The following RSPRY1 variants were observed in gnomAD, a reference collection of about 807,000 sequenced individuals.
RSPRY1 encodes ring finger and SPRY domain containing 1.
RSPRY1 carries 23 observed loss-of-function variants against 73.1 expected under a neutral mutation model. The ratio of observed to expected loss-of-function variants is 0.31; its 90% confidence interval spans 0.23 to 0.45. The LOEUF (loss-of-function observed/expected upper bound fraction) is 0.45. Among genes scored for constraint, RSPRY1 ranks in the 20% least tolerant of loss-of-function variants. The pLI, the probability that RSPRY1 is intolerant of heterozygous loss-of-function variation, is 1.00. For synonymous variants in RSPRY1, 226 were observed against 251.4 expected (o/e 0.90, Z 0.95); for missense variants, 448 against 698.7 (o/e 0.64, Z 4.05).
At chr16:57,211,991 T>C (rs992804152) in intron 4 of RSPRY1, among the ~76,000 whole-genome samples, 4 of 152,208 alleles carry the variant, frequency 2.6e-5, no homozygotes, top group Non-Finnish European at 4.4e-5. Context: ...CCTAGGCTTA[T>C]AAGAGCTGCC....
chr16:57,202,878 TTATA>T (rs55701001), intron 1 of RSPRY1, among the ~76,000 whole-genome samples: 10,138 of 131,536 alleles, frequency 0.077, 500 homozygotes, highest in Middle Eastern at 0.13. Context: ...TTACATATGA[TTATA>T]TATATATATA....
intron 1 of RSPRY1, among the ~76,000 whole-genome samples, chr16:57,188,890 A>G (rs1274662275): frequency 1.3e-5 from 2 of 152,042 alleles, no homozygotes; most frequent in South Asian, 4.1e-4. Flanking sequence ...TTTAAAAACT[A>G]TAACTGGTGA....
intron 1 of RSPRY1, among the ~76,000 whole-genome samples, chr16:57,188,004 G>T (rs1223659607): frequency 1.3e-5 from 2 of 152,102 alleles, no homozygotes; most frequent in African/African-American, 4.8e-5. Flanking sequence ...ATATATATAT[G>T]CATGGCTTTT....
intron 10 of RSPRY1, 111 bp from the exon 11 acceptor site, chr16:57,227,231 C>A: frequency 1.4e-6 from 1 of 712,710 alleles, no homozygotes; most frequent in Non-Finnish European, 2.5e-6. Context: ...TCTCATCATC[C>A]AGAAAGCTTA....
At chr16:57,231,622 A>G (rs1451913956) in intron 13 of RSPRY1, among the ~76,000 whole-genome samples, 1 of 152,234 alleles carries the variant, frequency 6.6e-6, no homozygotes, top group African/African-American at 2.4e-5. Flanking sequence ...GAAAGACGGA[A>G]CACTTTCAAA....
At chr16:57,222,586 A>G (rs1456704336) in intron 10 of RSPRY1, among the ~76,000 whole-genome samples, 3 of 152,198 alleles carry the variant, frequency 2.0e-5, no homozygotes, top group Non-Finnish European at 2.9e-5. Flanking sequence ...GATTCCCACA[A>G]TAGCTTTTAC....
intron 8 of RSPRY1, among the ~76,000 whole-genome samples, chr16:57,217,530 A>G (rs758777088): frequency 2.6e-5 from 4 of 152,114 alleles, no homozygotes; most frequent in Non-Finnish European, 4.4e-5. Flanking sequence ...AAAAACTACT[A>G]TAGGTTGAGT....
At chr16:57,221,621 C>G (rs1431806807) in intron 10 of RSPRY1, among the ~76,000 whole-genome samples, 1 of 152,172 alleles carries the variant, frequency 6.6e-6, no homozygotes, top group South Asian at 2.1e-4. Context: ...TCGGCCTTTT[C>G]TTTTTCTTGA....
At chr16:57,223,963 G>A (rs1402594156) in intron 10 of RSPRY1, among the ~76,000 whole-genome samples, 1 of 152,196 alleles carries the variant, frequency 6.6e-6, no homozygotes, top group African/African-American at 2.4e-5. Context: ...GTAGTCTCCA[G>A]CTGCTAGAGA....
At chr16:57,203,008 TAAA>T (rs200822658) in intron 1 of RSPRY1, among the ~76,000 whole-genome samples, 5,304 of 151,888 alleles carry the variant, frequency 0.035, 101 homozygotes, top group Middle Eastern at 0.1. Context: ...TGAATCTGTC[TAAA>T]ATAATGGAAA....
Position 57,208,086 on chromosome 16 carries a change from A to T in RSPRY1, c.379A>T (p.Thr127Ser), listed in dbSNP as rs2074760769. ...NDQEPPYSMI[T>S]LHEMAETDEG... is the part of the protein sequence containing the mutation. ...TCAGGAACCTCCCTATTCAATGATA[A>T]CATTACACGAAATGGCAGAAACAGG... is the stretch of plus-strand genomic sequence containing the variant. Residue 127 changes from threonine (T) to serine (S), a missense_variant, in exon 3 of 15, where the codon ACA (threonine) becomes TCA (serine). Thr to Ser is a moderately conservative substitution (Grantham distance 58). Coordinates refer to ENST00000394420, the MANE Select transcript of RSPRY1 (RefSeq NM_133368.3). The T allele has an allele frequency of 6.3e-7, 1 of 1,596,982 alleles. No homozygotes were observed. The highest frequency in any genetic ancestry group is 8.5e-7 in the Non-Finnish European group (1 of 1,169,908).
chr16:57,190,357 C>T (rs114461508), intron 1 of RSPRY1, among the ~76,000 whole-genome samples: 5,691 of 152,088 alleles, frequency 0.037, 113 homozygotes, highest in Middle Eastern at 0.1. Context: ...CACCCTGTCT[C>T]AAATAAATAA....
chr16:57,195,147 C>A (rs1375811853), intron 1 of RSPRY1, among the ~76,000 whole-genome samples: 2 of 152,222 alleles, frequency 1.3e-5, no homozygotes, highest in Non-Finnish European at 2.9e-5. Context: ...TAATACCACA[C>A]TTCAGAGAAA....
At chr16:57,203,892 CAG>C (rs763006867) in intron 1 of RSPRY1, among the ~76,000 whole-genome samples, 7 of 152,204 alleles carry the variant, frequency 4.6e-5, no homozygotes, top group Non-Finnish European at 1.0e-4. Context: ...GCTTACATAA[CAG>C]AAACACTTTG....
At chr16:57,190,063 C>T (rs1396469925) in intron 1 of RSPRY1, among the ~76,000 whole-genome samples, 1 of 152,070 alleles carries the variant, frequency 6.6e-6, no homozygotes, top group Non-Finnish European at 1.5e-5. Flanking sequence ...ATCACTATTA[C>T]ACTACTTAAG....
chr16:57,226,569 A>G (rs1302267806), intron 10 of RSPRY1, among the ~76,000 whole-genome samples: 1 of 152,148 alleles, frequency 6.6e-6, no homozygotes, highest in Non-Finnish European at 1.5e-5. Context: ...CTGCCATGAC[A>G]TTGTAAAGTG....
intron 1 of RSPRY1, among the ~76,000 whole-genome samples, chr16:57,197,355 G>T (rs2074468273): frequency 6.6e-6 from 1 of 152,136 alleles, no homozygotes; most frequent in African/African-American, 2.4e-5. Context: ...AGAGTACTCT[G>T]TGTAGTCATC....
At chr16:57,197,283 A>T (rs2074466497) in intron 1 of RSPRY1, among the ~76,000 whole-genome samples, 1 of 152,202 alleles carries the variant, frequency 6.6e-6, no homozygotes, top group Admixed American at 6.5e-5. Context: ...TCAGTGCCAG[A>T]TAAATCTGAA....
chr16:57,230,659 A>G, intron 11 of RSPRY1, 52 bp from the exon 12 acceptor site: 2 of 1,003,474 alleles, frequency 2.0e-6, no homozygotes, highest in Non-Finnish European at 3.1e-6. Flanking sequence ...CTTAGCAAAG[A>G]ATCCTGGTAG....
Sources: gnomAD v4.1 joint callset for allele counts (sites outside exome capture counted in the v4.1 genomes callset) on GRCh38, gnomAD v4.1.1 for gene constraint, MANE v1.5 for transcripts, NCBI Gene and HGNC (gene_info 2026-07-23, HGNC 2026-07-21) for gene names.